The following DPY19L2 variants were observed in gnomAD, a reference collection of about 807,000 sequenced individuals.
The protein encoded by DPY19L2 is probable C-mannosyltransferase DPY19L2.
Under a neutral mutation model 97.9 loss-of-function variants are expected in DPY19L2, and 34 were observed. That is an observed-to-expected ratio of 0.35 (90% CI 0.26 to 0.46). The LOEUF (loss-of-function observed/expected upper bound fraction) is 0.46. Ranked by LOEUF, DPY19L2 falls within the 20% of genes least tolerant of loss-of-function variation. The pLI is 1.00. For synonymous variants in DPY19L2, 230 were observed against 307.9 expected, an observed-to-expected ratio of 0.75 and a Z score of 2.65; for missense variants, 623 against 911.4, an observed-to-expected ratio of 0.68 and a Z score of 4.07.
chr12:63,579,240 T>C lies in DPY19L2; in HGVS notation c.1900+1422A>G, dbSNP rs566884953. ...CCCCTGACCTGACAGAGCCCCATTA[T>C]ACATGGCTTGATGAGTGGACCACAA... On this transcript the variant is annotated intron_variant, in intron 19 of 21. Coordinates refer to ENST00000324472, the MANE Select transcript of DPY19L2 (RefSeq NM_173812.5). Among the ~76,000 whole-genome samples the C allele has an allele frequency of 8.5e-5, 13 of 152,312 alleles. No homozygotes were observed. The East Asian group carries it at 2.5e-3, about 29-fold the overall frequency.
Position 63,628,098 on chromosome 12 carries a change from G to C in DPY19L2, c.804-1572C>G, listed in dbSNP as rs74767299. 2.6e-3 allele frequency among the ~76,000 whole-genome samples: 389 copies of C among 152,250 alleles called. 17 individuals are homozygous for C. The East Asian group carries it at 0.069, about 27-fold the overall frequency. On this transcript the variant is annotated intron_variant, in intron 6 of 21. Coordinates refer to ENST00000324472, the MANE Select transcript of DPY19L2 (RefSeq NM_173812.5). ...AGTTGGTGAGGGGTGGAGCCAAGAT[G>C]GCCGAATAGGAACAGCTCCAGTCTA... is the stretch of plus-strand genomic sequence containing the variant.
At chr12:63,631,264 T>G (rs2137937256) in intron 6 of DPY19L2, among the ~76,000 whole-genome samples, 1 of 151,948 alleles carries the variant, frequency 6.6e-6, no homozygotes, top group South Asian at 2.1e-4. Flanking sequence ...CTTCAAAAAA[T>G]CAATGAATCC....
intron 15 of DPY19L2, among the ~76,000 whole-genome samples, chr12:63,595,005 T>C (rs978553287): frequency 1.3e-5 from 2 of 152,166 alleles, no homozygotes; most frequent in Non-Finnish European, 2.9e-5. Context: ...GTTTCCTTTA[T>C]CCTGACTCTT....
chr12:63,644,929 A>C (rs1302641674), intron 5 of DPY19L2, among the ~76,000 whole-genome samples: 1 of 152,106 alleles, frequency 6.6e-6, no homozygotes, highest in Non-Finnish European at 1.5e-5. Flanking sequence ...ATACAAAAGA[A>C]AATCCATTAC....
At chr12:63,575,742 T>C (rs1456665426) in intron 19 of DPY19L2, among the ~76,000 whole-genome samples, 1 of 151,876 alleles carries the variant, frequency 6.6e-6, no homozygotes, top group African/African-American at 2.4e-5. Flanking sequence ...GATTGAACTA[T>C]ATAGAAATCC....
At chr12:63,576,171 CAATG>C (rs200844525) in intron 19 of DPY19L2, among the ~76,000 whole-genome samples, 1 of 151,462 alleles carries the variant, frequency 6.6e-6, no homozygotes, top group Admixed American at 6.6e-5. Context: ...CATATCAACA[CAATG>C]AAGGGGAAAA....
intron 11 of DPY19L2, among the ~76,000 whole-genome samples, chr12:63,609,315 TC>T (rs1294601464): frequency 1.3e-5 from 2 of 151,930 alleles, no homozygotes; most frequent in African/African-American, 4.8e-5. Context: ...AAAGCTAGGG[TC>T]CTCAAAACTA....
chr12:63,603,127 C>A (rs192240607), intron 12 of DPY19L2, among the ~76,000 whole-genome samples: 103 of 152,042 alleles, frequency 6.8e-4, no homozygotes, highest in Middle Eastern at 3.4e-3. Context: ...GGATAAGAAG[C>A]AAATTCATGG....
intron 4 of DPY19L2, among the ~76,000 whole-genome samples, chr12:63,653,803 C>A (rs552987768): frequency 6.6e-6 from 1 of 151,788 alleles, no homozygotes; most frequent in Non-Finnish European, 1.5e-5. Flanking sequence ...AGAAACAAAC[C>A]CTTACCTAAA....
intron 12 of DPY19L2, among the ~76,000 whole-genome samples, chr12:63,605,738 A>G (rs1885929108): frequency 6.6e-6 from 1 of 152,184 alleles, no homozygotes; most frequent in Admixed American, 6.5e-5. Flanking sequence ...ACATATCAAA[A>G]AGACATCCAG....
intron 6 of DPY19L2, among the ~76,000 whole-genome samples, chr12:63,629,074 A>G (rs1321261952): frequency 6.6e-6 from 1 of 152,126 alleles, no homozygotes; most frequent in Non-Finnish European, 1.5e-5. Context: ...GTACGTCACC[A>G]TCATCAAAGA....
At chr12:63,648,969 T>C (rs553797866) in intron 4 of DPY19L2, among the ~76,000 whole-genome samples, 3 of 151,872 alleles carry the variant, frequency 2.0e-5, no homozygotes, top group African/African-American at 7.2e-5. Context: ...ATTTGAAAAG[T>C]TTACCAGAGA....
At chr12:63,656,796 C>T (rs1425508382) in intron 4 of DPY19L2, among the ~76,000 whole-genome samples, 2 of 151,954 alleles carry the variant, frequency 1.3e-5, no homozygotes, top group Non-Finnish European at 2.9e-5. Flanking sequence ...TTGATTATTT[C>T]TTCTGCTGTG....
intron 10 of DPY19L2, among the ~76,000 whole-genome samples, chr12:63,617,662 G>A (rs1437634496): frequency 1.1e-4 from 16 of 151,836 alleles, no homozygotes; most frequent in Non-Finnish European, 1.6e-4. Context: ...TAACAATGGA[G>A]TAATATAATA....
rs1257039578 is a variant in DPY19L2, at chr12:63,560,410, GTC to G, written c.*100_*101del. On this transcript the variant is annotated 3_prime_UTR_variant, in exon 22 of 22. Transcript: ENST00000324472. ...ATCCATTTTTATCTTATTTTTAAGTGTCTGTTATTAAAGCTTGTGATTTTTAT... is the reference window on the plus strand; with the variant it reads ...ATCCATTTTTATCTTATTTTTAAGTGTGTTATTAAAGCTTGTGATTTTTAT... The G allele has an allele frequency of 3.7e-6, 5 of 1,335,264 alleles. No individual in the cohort carries two copies. In the Admixed American group the frequency reaches 1.3e-4, roughly 36 times the overall value. The allele number at this position is 1,335,264 out of a possible 1,614,324, so 82.7% of individuals were successfully genotyped here.
At chr12:63,576,449 T>C (rs561110198) in intron 19 of DPY19L2, among the ~76,000 whole-genome samples, 37 of 151,732 alleles carry the variant, frequency 2.4e-4, no homozygotes, top group Non-Finnish European at 3.7e-4. Flanking sequence ...AATAGAGCAA[T>C]CAGACAAGAG....
chr12:63,644,609 T>C, intron 5 of DPY19L2, 113 bp from the exon 6 acceptor site: 1 of 1,430,432 alleles, frequency 7.0e-7, no homozygotes, highest in Non-Finnish European at 9.3e-7. Flanking sequence ...TGAAAGCATT[T>C]GCTTTCCAGA....
At chr12:63,564,907 T>C (rs987619779) in intron 21 of DPY19L2, among the ~76,000 whole-genome samples, 25 of 152,188 alleles carry the variant, frequency 1.6e-4, no homozygotes, top group African/African-American at 6.0e-4. Context: ...AGCTCTGTTA[T>C]CTAAGTGCAT....
chr12:63,583,609 A>G (rs1881308204), intron 17 of DPY19L2, among the ~76,000 whole-genome samples: 1 of 152,238 alleles, frequency 6.6e-6, no homozygotes, highest in Admixed American at 6.5e-5. Flanking sequence ...ATAGTCATAA[A>G]TCAGCCTTCT....
Sources: gnomAD v4.1 joint callset for allele counts (sites outside exome capture counted in the v4.1 genomes callset) on GRCh38, gnomAD v4.1.1 for gene constraint, MANE v1.5 for transcripts, NCBI Gene and HGNC (gene_info 2026-07-23, HGNC 2026-07-21) for gene names.